PCDH9: variants seen among roughly 807,000 people sequenced by gnomAD.
PCDH9 encodes protocadherin 9, also known as protocadherin-9.
A neutral mutation model predicts 70.6 loss-of-function variants in PCDH9; 24 were observed. The observed-to-expected ratio is 0.34, with a 90% confidence interval of 0.25 to 0.48. PCDH9 has a LOEUF of 0.48. Ranked by LOEUF, PCDH9 falls within the 20% of genes least tolerant of loss-of-function variation. The pLI, the probability that PCDH9 is intolerant of heterozygous loss-of-function variation, is 0.99. For missense variants in PCDH9, 1,281 were observed against 1,503.6 expected (o/e 0.85, Z 2.45); for synonymous variants, 562 against 558.5 (o/e 1.01, Z -0.09).
At chr13:67,202,792 A>G (rs1367044018) in intron 2 of PCDH9, 1 of 152,130 alleles carries the variant, frequency 6.6e-6, no homozygotes, top group Non-Finnish European at 1.5e-5. Flanking sequence ...TATGAGAGGA[A>G]GAAATGGACT....
chr13:66,468,589 C>T (rs564742744), intron 4 of PCDH9, among the ~76,000 whole-genome samples: 1 of 152,204 alleles, frequency 6.6e-6, no homozygotes, highest in Non-Finnish European at 1.5e-5. Flanking sequence ...GATAGTGATG[C>T]TATTAAATGT....
chr13:66,666,794 T>C (rs192026274), intron 3 of PCDH9, among the ~76,000 whole-genome samples: 2 of 152,212 alleles, frequency 1.3e-5, no homozygotes, highest in African/African-American at 2.4e-5. Flanking sequence ...CTTTTATTGA[T>C]ATGGTTTTGA....
At chr13:66,708,403 G>GTGGTTT (rs1555324397) in intron 3 of PCDH9, among the ~76,000 whole-genome samples, 1 of 136,988 alleles carries the variant, frequency 7.3e-6, no homozygotes, top group Admixed American at 7.3e-5. Context: ...TTGAGATTTA[G>GTGGTTT]TTTTTTTTTT....
intron 2 of PCDH9, among the ~76,000 whole-genome samples, chr13:66,980,055 T>C (rs1343351717): frequency 6.6e-6 from 1 of 151,752 alleles, no homozygotes; most frequent in Non-Finnish European, 1.5e-5. Context: ...TATGTAGCAA[T>C]GACACTAACT....
intron 4 of PCDH9, among the ~76,000 whole-genome samples, chr13:66,515,025 G>C (rs962575832): frequency 2.6e-5 from 4 of 151,946 alleles, no homozygotes; most frequent in Non-Finnish European, 5.9e-5. Flanking sequence ...ATTATACCTG[G>C]AATTCTGCAA....
intron 4 of PCDH9, among the ~76,000 whole-genome samples, chr13:66,466,830 G>A (rs1958521681): frequency 6.6e-6 from 1 of 152,028 alleles, no homozygotes; most frequent in Non-Finnish European, 1.5e-5. Flanking sequence ...AAATATAAGT[G>A]ATTGGGAAAC....
chr13:66,736,930 G>C (rs2079158456), intron 3 of PCDH9, among the ~76,000 whole-genome samples: 2 of 152,092 alleles, frequency 1.3e-5, no homozygotes, highest in Middle Eastern at 3.2e-3. Flanking sequence ...TTCTTTATCA[G>C]GCAACTTCGC....
chr13:66,534,504 T>G (rs1212227525), intron 4 of PCDH9, among the ~76,000 whole-genome samples: 1 of 152,058 alleles, frequency 6.6e-6, no homozygotes, highest in Non-Finnish European at 1.5e-5. Context: ...TCTATAAGTG[T>G]ATTTATCCCA....
At chr13:66,408,338 T>C (rs1957317616) in intron 4 of PCDH9, among the ~76,000 whole-genome samples, 1 of 152,232 alleles carries the variant, frequency 6.6e-6, no homozygotes, top group South Asian at 2.1e-4. Flanking sequence ...TTCGGTATGA[T>C]TACTGAGGAA....
At chr13:66,569,220 G>T (rs1410308953) in intron 4 of PCDH9, among the ~76,000 whole-genome samples, 1 of 151,538 alleles carries the variant, frequency 6.6e-6, no homozygotes, top group Non-Finnish European at 1.5e-5. Context: ...GTTTCACCAT[G>T]TTGGCCAGGC....
intron 2 of PCDH9, among the ~76,000 whole-genome samples, chr13:67,105,063 CCACT>C (rs2086511436): frequency 6.6e-6 from 1 of 151,954 alleles, no homozygotes; most frequent in African/African-American, 2.4e-5. Flanking sequence ...ACATATCTTG[CCACT>C]AACACTCTTT....
intron 2 of PCDH9, among the ~76,000 whole-genome samples, chr13:67,003,412 A>G (rs1005902089): frequency 6.6e-6 from 1 of 152,168 alleles, no homozygotes; most frequent in African/African-American, 2.4e-5. Flanking sequence ...CTTATTCCAT[A>G]GTATGTTTAT....
chr13:66,978,411 G>C (rs1406698172), intron 2 of PCDH9: 1 of 151,586 alleles, frequency 6.6e-6, no homozygotes, highest in Non-Finnish European at 1.5e-5. Context: ...TGCAATTTCT[G>C]CATGACTGCA....
At chr13:66,346,964 A>G (rs774212393) in intron 4 of PCDH9, among the ~76,000 whole-genome samples, 2 of 152,206 alleles carry the variant, frequency 1.3e-5, no homozygotes, top group Admixed American at 1.3e-4. Context: ...TTTCCCCCCA[A>G]TAAAGTCACT....
At chr13:66,416,671 G>C (rs1025597865) in intron 4 of PCDH9, among the ~76,000 whole-genome samples, 2 of 152,196 alleles carry the variant, frequency 1.3e-5, no homozygotes, top group African/African-American at 4.8e-5. Flanking sequence ...AGGTCCAACA[G>C]CGACTTGACC....
chr13:66,816,580 C>A (rs763483899), intron 3 of PCDH9, among the ~76,000 whole-genome samples: 2 of 152,146 alleles, frequency 1.3e-5, no homozygotes, highest in African/African-American at 2.4e-5. Flanking sequence ...CTGAAGACAG[C>A]AGGAGGATAA....
chr13:67,184,672 A>G (rs975624414), intron 2 of PCDH9, among the ~76,000 whole-genome samples: 9 of 152,188 alleles, frequency 5.9e-5, no homozygotes, highest in African/African-American at 2.2e-4. Flanking sequence ...CTGAGGCTGC[A>G]GTGAGCTGAG....
intron 3 of PCDH9, among the ~76,000 whole-genome samples, chr13:66,871,209 A>C (rs1333042154): frequency 1.5e-5 from 2 of 136,812 alleles, no homozygotes; most frequent in Non-Finnish European, 3.1e-5. Flanking sequence ...GGACACATGA[A>C]GGGGAACATC....
chr13:66,395,599 AAAATAAAT>A (rs71205585), intron 4 of PCDH9, among the ~76,000 whole-genome samples: 1 of 150,916 alleles, frequency 6.6e-6, no homozygotes, highest in African/African-American at 2.4e-5. Context: ...ACTCTGTCTC[AAAATAAAT>A]AAATAAATAA....
Sources: gnomAD v4.1 joint callset for allele counts (sites outside exome capture counted in the v4.1 genomes callset) on GRCh38, gnomAD v4.1.1 for gene constraint, MANE v1.5 for transcripts, NCBI Gene and HGNC (gene_info 2026-07-23, HGNC 2026-07-21) for gene names.